The following FARS2 variants were observed in gnomAD, a reference collection of about 807,000 sequenced individuals.
FARS2 encodes phenylalanine--tRNA ligase, mitochondrial.
In FARS2, 40 loss-of-function variants were observed where a neutral mutation model predicts 46.4. The observed-to-expected ratio is 0.86, with a 90% CI of 0.67 to 1.12. The LOEUF (loss-of-function observed/expected upper bound fraction) is 1.12. Ranked by LOEUF, FARS2 falls within the 50% of genes most tolerant of loss-of-function variation. The probability of loss-of-function intolerance (pLI) is 0.00; values close to 1 mark genes in which losing one functional copy is unlikely to be tolerated. For synonymous variants in FARS2, 234 were observed against 214.9 expected, an observed-to-expected ratio of 1.09 and a Z score of -0.78; for missense variants, 513 against 567.9, an observed-to-expected ratio of 0.90 and a Z score of 0.98.
At chr6:5,618,911 T>A (rs1775618572) in intron 6 of FARS2, among the ~76,000 whole-genome samples, 1 of 152,208 alleles carries the variant, frequency 6.6e-6, no homozygotes, top group South Asian at 2.1e-4. Context: ...AAGGCAATCA[T>A]GTATGTCAGT....
rs762869568 is a variant in FARS2 at position 5,431,163 on chromosome 6, G to T, written c.895G>T (p.Val299Phe). Residue 299 changes from valine to phenylalanine, a missense_variant, in exon 4 of 7, where the codon GTC (valine) becomes TTC (phenylalanine). Val to Phe is a conservative substitution (Grantham distance 50). Coordinates refer to ENST00000274680, the MANE Select transcript of FARS2 (RefSeq NM_006567.5). ...LGCGVMEQQL[V>F]NSAGAQDRIG... ...CTGCGGGGTGATGGAACAACAACTG[G>T]TCAATTCAGGTAAAAAAGAATCCCA... 1 of 1,613,522 alleles carries T rather than the reference G, an allele frequency of 6.2e-7. No homozygotes were observed. Among genetic ancestry groups the T allele is most frequent in the Non-Finnish European group, 8.5e-7 (1 of 1,179,718 alleles).
intron 6 of FARS2, among the ~76,000 whole-genome samples, chr6:5,707,220 G>A (rs550421911): frequency 6.6e-6 from 1 of 152,266 alleles, no homozygotes; most frequent in East Asian, 1.9e-4. Context: ...ACCCCAAGCC[G>A]AGCTGGCAAT....
chr6:5,336,044 G>C (rs374457116), intron 1 of FARS2, among the ~76,000 whole-genome samples: 3 of 152,190 alleles, frequency 2.0e-5, no homozygotes, highest in South Asian at 4.1e-4. Flanking sequence ...ACTCAGAGGA[G>C]CAGTGGACCT....
chr6:5,640,956 T>C (rs1205943942), intron 6 of FARS2, among the ~76,000 whole-genome samples: 2 of 152,210 alleles, frequency 1.3e-5, no homozygotes, highest in African/African-American at 2.4e-5. Context: ...TCCCCTCTTA[T>C]TGATTTTGCC....
chr6:5,539,895 G>T (rs893478947), intron 4 of FARS2, among the ~76,000 whole-genome samples: 1 of 152,126 alleles, frequency 6.6e-6, no homozygotes, highest in South Asian at 2.1e-4. Flanking sequence ...ATTTCCAGCT[G>T]GCGGTGCTCC....
chr6:5,304,143 TAAAG>T (rs907461732), intron 1 of FARS2, among the ~76,000 whole-genome samples: 11 of 152,154 alleles, frequency 7.2e-5, no homozygotes, highest in Admixed American at 4.6e-4. Context: ...AGCTTAGAAA[TAAAG>T]AAGGGAAAGC....
At chr6:5,565,289 C>T (rs1772260795) in intron 5 of FARS2, among the ~76,000 whole-genome samples, 1 of 152,198 alleles carries the variant, frequency 6.6e-6, no homozygotes, top group South Asian at 2.1e-4. Flanking sequence ...CTTTCACTTT[C>T]TGAGTGTAGT....
chr6:5,524,380 A>T (rs1267888521), intron 4 of FARS2, among the ~76,000 whole-genome samples: 1 of 152,238 alleles, frequency 6.6e-6, no homozygotes, highest in South Asian at 2.1e-4. Context: ...AGGAAGCTAC[A>T]GGGAATCCTA....
intron 2 of FARS2, among the ~76,000 whole-genome samples, chr6:5,369,761 T>C (rs2127645921): frequency 6.6e-6 from 1 of 152,284 alleles, no homozygotes; most frequent in South Asian, 2.1e-4. Context: ...TCTTGAAGCA[T>C]GTGTTAGGAT....
In FARS2 at chr6:5,318,892, G is replaced by A. The variant is rs140951089; in HGVS notation, c.-21-49658G>A. On this transcript the variant is annotated intron_variant, in intron 1 of 6. Transcript: ENST00000274680. ...TGCAGAAAAGGGCGTGGTTGAAAAG[G>A]AAGTAGCCCCTGATATCCAGTCAGC... 3.8e-4 allele frequency among the ~76,000 whole-genome samples: 58 copies of A among 152,264 alleles called. No individual in the cohort carries two copies. The East Asian group carries it at 0.011, about 28-fold the overall frequency.
At chr6:5,696,442 T>C (rs1470139756) in intron 6 of FARS2, among the ~76,000 whole-genome samples, 6 of 152,204 alleles carry the variant, frequency 3.9e-5, no homozygotes, top group African/African-American at 7.2e-5. Context: ...TGTTTCCTTA[T>C]ATTTTTGCTC....
At chr6:5,444,092 CGTGTGT>C (rs35213574) in intron 4 of FARS2, among the ~76,000 whole-genome samples, 137 of 146,312 alleles carry the variant, frequency 9.4e-4, no homozygotes, top group Admixed American at 2.0e-3. Flanking sequence ...GGAAGATCCT[CGTGTGT>C]GTGTGTGTGT....
At chr6:5,658,519 A>G (rs1777707091) in intron 6 of FARS2, among the ~76,000 whole-genome samples, 1 of 152,200 alleles carries the variant, frequency 6.6e-6, no homozygotes, top group Non-Finnish European at 1.5e-5. Flanking sequence ...AATATACACA[A>G]GAATACCCTA....
At chr6:5,691,575 C>G (rs916035409) in intron 6 of FARS2, among the ~76,000 whole-genome samples, 1 of 152,158 alleles carries the variant, frequency 6.6e-6, no homozygotes, top group African/African-American at 2.4e-5. Flanking sequence ...AGTACCCGGC[C>G]GTGTGAGGTG....
At chr6:5,585,741 C>T (rs1318685349) in intron 5 of FARS2, among the ~76,000 whole-genome samples, 1 of 151,750 alleles carries the variant, frequency 6.6e-6, no homozygotes, top group Admixed American at 6.6e-5. Flanking sequence ...GGAATACACA[C>T]ACATATATAC....
intron 1 of FARS2, among the ~76,000 whole-genome samples, chr6:5,289,205 T>TC (rs1438595964): frequency 2.0e-5 from 3 of 152,226 alleles, no homozygotes; most frequent in African/African-American, 7.2e-5. Flanking sequence ...ATTTGAGTTT[T>TC]AATGCTTAGA....
At chr6:5,484,987 C>T (rs9504409) in intron 4 of FARS2, among the ~76,000 whole-genome samples, 47,457 of 152,054 alleles carry the variant, frequency 0.31, 8,228 homozygotes, top group African/African-American at 0.47. Context: ...CCTGAAGAGG[C>T]CCCGGAGGAG....
At chr6:5,323,402 T>A (rs1046242339) in intron 1 of FARS2, among the ~76,000 whole-genome samples, 1 of 152,168 alleles carries the variant, frequency 6.6e-6, no homozygotes, top group Non-Finnish European at 1.5e-5. Flanking sequence ...CTTTGTACAA[T>A]AGAGACACTG....
At chr6:5,347,515 C>CGT (rs1419057302) in intron 1 of FARS2, among the ~76,000 whole-genome samples, 4 of 151,750 alleles carry the variant, frequency 2.6e-5, no homozygotes, top group Admixed American at 6.6e-5. Flanking sequence ...TGTGTGTGTG[C>CGT]GTGTGTGTGT....
Sources: gnomAD v4.1 joint callset for allele counts (sites outside exome capture counted in the v4.1 genomes callset) on GRCh38, gnomAD v4.1.1 for gene constraint, MANE v1.5 for transcripts, NCBI Gene and HGNC (gene_info 2026-07-23, HGNC 2026-07-21) for gene names.